The following CT47C1 variants were observed in gnomAD, a reference collection of about 807,000 sequenced individuals.
CT47C1 encodes cancer/testis antigen family 47 member A11 pseudogene.
the CT47C1 span, chrX:119,074,987 G>T: frequency 9.5e-7 from 1 of 1,054,217 alleles, no homozygotes; most frequent in South Asian, 1.9e-5. Flanking sequence ...CATGAAAAGT[G>T]GGATGAAGAG....
chrX:119,073,405 G>A, the CT47C1 span: 1 of 527,611 alleles, frequency 1.9e-6, no homozygotes, highest in Non-Finnish European at 3.4e-6. Context: ...AGGAGGGTGA[G>A]CAGGCGGCAG....
the CT47C1 span, chrX:119,073,196 G>C: frequency 2.1e-6 from 1 of 468,968 alleles, no homozygotes; most frequent in Admixed American, 3.3e-5. Context: ...CAGCCTAGTC[G>C]CCACTCCAGT....
At chrX:119,073,530 A>T in the CT47C1 span, 6 of 517,628 alleles carry the variant, frequency 1.2e-5, no homozygotes, top group South Asian at 1.5e-4. Context: ...GAGGAGGAGG[A>T]AGAGAGGAAC....
At chrX:119,073,772 G>T in the CT47C1 span, 6 of 827,816 alleles carry the variant, frequency 7.2e-6, no homozygotes, top group Admixed American at 7.7e-5. Flanking sequence ...CGTGGGGGCC[G>T]CGGGTCCTGA....
At chrX:119,075,904 A>G in the CT47C1 span, among the ~76,000 whole-genome samples, 1 of 111,913 alleles carries the variant, frequency 8.9e-6, no homozygotes, top group Non-Finnish European at 1.9e-5. Context: ...CCTCTCATGT[A>G]AAAACAACAA....
At chrX:119,073,689 T>G in the CT47C1 span, 1 of 641,519 alleles carries the variant, frequency 1.6e-6, no homozygotes, top group South Asian at 2.8e-5. Flanking sequence ...GGCCGCCTGA[T>G]GCGGAGGCGC....
At chrX:119,074,359 T>TG in the CT47C1 span, among the ~76,000 whole-genome samples, 580 of 111,838 alleles carry the variant, frequency 5.2e-3, 5 homozygotes, top group African/African-American at 0.018. Context: ...CAATGCCATT[T>TG]GGGGGGCCCA....
the CT47C1 span, chrX:119,073,744 G>A: frequency 2.6e-6 from 2 of 782,617 alleles, no homozygotes; most frequent in East Asian, 3.4e-5. Flanking sequence ...GGCTGTTGCT[G>A]GTGCATGAGA....
chrX:119,073,429 C>T, the CT47C1 span: 5 of 518,683 alleles, frequency 9.6e-6, no homozygotes, highest in East Asian at 1.8e-4. Flanking sequence ...TGGCCGCAGC[C>T]CCCGGGGGTG....
chrX:119,074,124 C>A, the CT47C1 span: 7 of 480,925 alleles, frequency 1.5e-5, no homozygotes, highest in Non-Finnish European at 2.2e-5. Context: ...GGGACCCGTG[C>A]ACCCAAGGGT....
chrX:119,074,551 T>C, the CT47C1 span, among the ~76,000 whole-genome samples: 1 of 111,140 alleles, frequency 9.0e-6, no homozygotes, highest in South Asian at 3.8e-4. Context: ...TTGGTAAAAA[T>C]GAAACATTCA....
chrX:119,074,779 C>T, the CT47C1 span, among the ~76,000 whole-genome samples: 1 of 110,967 alleles, frequency 9.0e-6, no homozygotes, highest in Non-Finnish European at 1.9e-5. Flanking sequence ...GCAGCAGCAA[C>T]GTGAGGGCCA....
At chrX:119,074,149 C>A in the CT47C1 span, 1 of 454,580 alleles carries the variant, frequency 2.2e-6, no homozygotes, top group African/African-American at 2.4e-5. Context: ...GGCAGGGCCG[C>A]GGTGTGCGCA....
chrX:119,073,697 C>G, the CT47C1 span: 1 of 663,015 alleles, frequency 1.5e-6, no homozygotes, highest in Non-Finnish European at 2.3e-6. Flanking sequence ...GATGCGGAGG[C>G]GCCGCACTGC....
the CT47C1 span, chrX:119,073,682 C>T: frequency 1.6e-5 from 10 of 621,307 alleles, no homozygotes; most frequent in Non-Finnish European, 2.5e-5. Flanking sequence ...GCGTGGCGGC[C>T]GCCTGATGCG....
chrX:119,074,952 C>T, the CT47C1 span: 3 of 1,032,523 alleles, frequency 2.9e-6, no homozygotes, highest in South Asian at 3.8e-5. Flanking sequence ...TATTATTCTT[C>T]GCTAAAGAAG....
the CT47C1 span, chrX:119,075,205 A>C: frequency 1.0e-6 from 1 of 977,591 alleles, no homozygotes; most frequent in African/African-American, 1.9e-5. Flanking sequence ...CCAGTAAATT[A>C]ATTAAGAAAA....
chrX:119,073,361 G>A, the CT47C1 span: 23 of 532,675 alleles, frequency 4.3e-5, no homozygotes, highest in Non-Finnish European at 6.4e-5. Flanking sequence ...CACTGTGGCC[G>A]GAGTCGCAGG....
the CT47C1 span, chrX:119,073,940 G>T: frequency 1.2e-6 from 1 of 810,101 alleles, no homozygotes; most frequent in Admixed American, 2.3e-5. Flanking sequence ...CGCAGAGGAG[G>T]CCTCAGAGAA....
Sources: allele counts gnomAD v4.1 joint callset (sites outside exome capture counted in the v4.1 genomes callset), GRCh38; gene constraint gnomAD v4.1.1; transcripts MANE v1.5; gene names NCBI Gene and HGNC (gene_info 2026-07-23, HGNC 2026-07-21).